KMO: variants seen among roughly 807,000 people sequenced by gnomAD.
The protein encoded by KMO is kynurenine 3-hydroxylase.
A neutral mutation model predicts 57.8 loss-of-function variants in KMO; 24 were observed. The observed-to-expected ratio is 0.42, with a 90% CI of 0.30 to 0.58. KMO has a LOEUF of 0.58. KMO is among the 20% of genes least tolerant of loss of function. KMO has a pLI of 0.22. For synonymous variants in KMO, 210 were observed against 193.6 expected, an observed-to-expected ratio of 1.08 and a Z score of -0.70; for missense variants, 483 against 588.2, an observed-to-expected ratio of 0.82 and a Z score of 1.85.
chr1:241,543,564 A>T (rs1220736409), intron 1 of KMO, among the ~76,000 whole-genome samples: 3 of 152,160 alleles, frequency 2.0e-5, no homozygotes, highest in African/African-American at 7.2e-5. Flanking sequence ...TAGTTATGAA[A>T]GGCACTACAC....
At chr1:241,555,713 C>A in intron 5 of KMO, 53 bp downstream of exon 5, 1 of 1,026,380 alleles carries the variant, frequency 9.7e-7, no homozygotes, top group Non-Finnish European at 1.5e-6. Flanking sequence ...GCACATGACA[C>A]TAATCTTGTC....
chr1:241,549,354 TAGAA>T (rs1234331161), intron 2 of KMO, among the ~76,000 whole-genome samples: 16 of 150,658 alleles, frequency 1.1e-4, no homozygotes, highest in South Asian at 4.2e-4. Context: ...GAAAGAAAGA[TAGAA>T]GGAAAGAAAG....
chr1:241,555,038 G>C (rs1661560963), intron 4 of KMO, among the ~76,000 whole-genome samples: 1 of 151,908 alleles, frequency 6.6e-6, no homozygotes, highest in Middle Eastern at 3.2e-3. Flanking sequence ...TGCCTCAAGG[G>C]AGGGTCAGCT....
intron 11 of KMO, among the ~76,000 whole-genome samples, chr1:241,588,104 T>C (rs1250281841): frequency 6.6e-6 from 1 of 152,158 alleles, no homozygotes; most frequent in South Asian, 2.1e-4. Flanking sequence ...TTCATCTTTC[T>C]AAAGCCTCCG....
chr1:241,571,056 C>T (rs1422986348), intron 10 of KMO, among the ~76,000 whole-genome samples: 1 of 151,758 alleles, frequency 6.6e-6, no homozygotes, highest in Non-Finnish European at 1.5e-5. Context: ...ATGAGATTAC[C>T]TTCCTGGTTT....
rs949226574 is a variant in KMO, at chr1:241,581,035, A to G, written c.958-5644A>G. Among the ~76,000 whole-genome samples, 79 of 152,178 alleles carry G rather than the reference A, an allele frequency of 5.2e-4. 1 individual carries two copies. The highest frequency in any genetic ancestry group is 1.8e-3 in the African/African-American group (76 of 41,574). ...TGTGTTGGATGCATAGATATTTACT[A>G]TTATATTCTCTTACCAAATTGACCT... is the stretch of plus-strand genomic sequence containing the variant. On this transcript the variant is annotated intron_variant, in intron 10 of 14. Coordinates refer to ENST00000366559, the MANE Select transcript of KMO (RefSeq NM_003679.5).
At chr1:241,546,829 G>A (rs1006386079) in intron 1 of KMO, among the ~76,000 whole-genome samples, 8 of 152,138 alleles carry the variant, frequency 5.3e-5, no homozygotes. Context: ...AAACAGATCT[G>A]GATAGGAAAT....
intron 4 of KMO, among the ~76,000 whole-genome samples, chr1:241,553,531 T>A (rs575698726): frequency 5.1e-4 from 77 of 152,060 alleles, no homozygotes; most frequent in African/African-American, 1.7e-3. Context: ...TATAAAAAAA[T>A]TTAAAAATTA....
intron 10 of KMO, among the ~76,000 whole-genome samples, chr1:241,570,900 C>T (rs2147969294): frequency 1.3e-5 from 2 of 152,106 alleles, no homozygotes; most frequent in East Asian, 3.9e-4. Context: ...CAATATTGAT[C>T]CTTCTAATCC....
intron 2 of KMO, among the ~76,000 whole-genome samples, chr1:241,549,269 G>GAAA (rs1558414996): frequency 1.7e-4 from 25 of 147,284 alleles, no homozygotes; most frequent in African/African-American, 6.1e-4. Flanking sequence ...AAGAAAGAAA[G>GAAA]GAAGGAAGAA....
chr1:241,534,081 G>A (rs1001786162), intron 1 of KMO, among the ~76,000 whole-genome samples: 6 of 152,232 alleles, frequency 3.9e-5, no homozygotes, highest in South Asian at 2.1e-4. Flanking sequence ...AGAGGTCCAG[G>A]CAAGAAGATC....
chr1:241,562,292 A>G lies in KMO; in HGVS notation c.575A>G (p.His192Arg). ...GATTACAGTCAGCAGTACATTCCTC[A>G]TGGGTACATGGAGTTGACTATTCCA... ...RFDYSQQYIP[H>R]GYMELTIPPK... The change falls in exon 7 of 15, where the codon CAT (histidine) becomes CGT (arginine). Residue 192 changes from histidine (H) to arginine (R), a missense_variant. This residue lies in a region of KMO where 410 missense variants were observed against 492.3 expected (regional missense o/e 0.83). Coordinates refer to ENST00000366559, the MANE Select transcript of KMO (RefSeq NM_003679.5). 1 of 1,612,950 alleles carries G rather than the reference A, an allele frequency of 6.2e-7. No individual in the cohort carries two copies. Among genetic ancestry groups the G allele is most frequent in the Non-Finnish European group, 8.5e-7 (1 of 1,179,068 alleles).
chr1:241,566,710 G>A, intron 9 of KMO, 98 bp downstream of exon 9: 1 of 1,247,846 alleles, frequency 8.0e-7, no homozygotes, highest in Non-Finnish European at 1.2e-6. Context: ...AAACACGATG[G>A]ATCATGCAGT....
rs1207572317 is a variant in KMO, at chr1:241,592,736, C to CT, written c.*583_*584insT. The CT allele has an allele frequency of 1.4e-4, 22 of 153,730 alleles. No homozygotes were observed. The highest frequency in any genetic ancestry group is 4.2e-4 in the African/African-American group (17 of 40,728). The allele number at this position is 153,730 out of a possible 1,614,324, so 9.5% of individuals were successfully genotyped here. A position where few individuals can be genotyped will look rare whatever the true frequency, so the allele number is the denominator to read the frequency against. On this transcript the variant is annotated 3_prime_UTR_variant, in exon 15 of 15. Transcript: ENST00000366559. ...ATCTGTTTATCGTCTATCTATCTAT[C>CT]ATCTATCTATCTATCTATCATCTAT... is the stretch of plus-strand genomic sequence containing the variant.
intron 1 of KMO, among the ~76,000 whole-genome samples, chr1:241,548,068 C>T (rs1368599830): frequency 9.4e-6 from 1 of 106,362 alleles, no homozygotes; most frequent in Non-Finnish European, 2.3e-5. Context: ...CTTAGAGAAG[C>T]AAGATGCAAA....
chr1:241,534,651 A>T (rs971813186), intron 1 of KMO, among the ~76,000 whole-genome samples: 1 of 152,222 alleles, frequency 6.6e-6, no homozygotes, highest in African/African-American at 2.4e-5. Context: ...CATTACAACC[A>T]TCCTGGCCCA....
intron 8 of KMO, among the ~76,000 whole-genome samples, 160 bp downstream of exon 8, chr1:241,565,218 C>A (rs1473081682): frequency 6.6e-6 from 1 of 152,112 alleles, no homozygotes; most frequent in Non-Finnish European, 1.5e-5. Flanking sequence ...GAGGAAAAAT[C>A]TGAAGGATTT....
intron 9 of KMO, 60 bp from the exon 10 acceptor site, chr1:241,568,440 A>G: frequency 1.3e-6 from 2 of 1,499,284 alleles, no homozygotes; most frequent in South Asian, 1.2e-5. Flanking sequence ...ACCTGAAAGA[A>G]TTTAGCAGGA....
At chr1:241,552,265 A>G (rs1661435925) in intron 4 of KMO, among the ~76,000 whole-genome samples, 1 of 151,972 alleles carries the variant, frequency 6.6e-6, no homozygotes, top group Non-Finnish European at 1.5e-5. Flanking sequence ...TGCGGCCTTC[A>G]ATGCATTACA....
Sources: allele counts gnomAD v4.1 joint callset (sites outside exome capture counted in the v4.1 genomes callset), GRCh38; gene constraint gnomAD v4.1.1; regional missense constraint gnomAD v4.1.1; transcripts MANE v1.5; gene names NCBI Gene and HGNC (gene_info 2026-07-23, HGNC 2026-07-21).